Variants in PIAS1 observed in about 807,000 individuals in gnomAD.
The protein encoded by PIAS1 is protein inhibitor of activated STAT 1.
Under a neutral mutation model 71.3 loss-of-function variants are expected in PIAS1, and 6 were observed. The observed-to-expected ratio is 0.08, with a 90% CI of 0.05 to 0.17. The LOEUF (loss-of-function observed/expected upper bound fraction) is 0.17. PIAS1 is among the 10% of genes least tolerant of loss of function. The pLI, the probability that PIAS1 is intolerant of heterozygous loss-of-function variation, is 1.00. For synonymous variants in PIAS1, 303 were observed against 292.9 expected (o/e 1.03, Z -0.35); for missense variants, 555 against 793.6 (o/e 0.70, Z 3.61).
At chr15:68,065,540 G>C (rs1313051095) in intron 1 of PIAS1, among the ~76,000 whole-genome samples, 2 of 148,812 alleles carry the variant, frequency 1.3e-5, no homozygotes, top group African/African-American at 5.0e-5. Flanking sequence ...GCAGTGAACT[G>C]AGATCCACTG....
At chr15:68,145,094 TAA>T (rs1025135743) in intron 4 of PIAS1, among the ~76,000 whole-genome samples, 6 of 152,274 alleles carry the variant, frequency 3.9e-5, no homozygotes, top group South Asian at 2.1e-4. Flanking sequence ...AAAATAGTAA[TAA>T]GAGTGAATAG....
At chr15:68,152,411 A>G (rs2092854298) in intron 6 of PIAS1, among the ~76,000 whole-genome samples, 1 of 152,146 alleles carries the variant, frequency 6.6e-6, no homozygotes, top group Non-Finnish European at 1.5e-5. Flanking sequence ...TCCAGAGAGT[A>G]TTGTAGTATA....
rs1041571090 is a variant in PIAS1, at chr15:68,140,146, T to C, written c.470-1800T>C. On this transcript the variant is annotated intron_variant, in intron 2 of 13. Transcript: ENST00000249636. ...GGCTATTATTAAGTAAGAAACCTGA[T>C]TTTTATTTGTGACATAAGAAATAGC... Among the ~76,000 whole-genome samples, 5 of 152,240 alleles carry C rather than the reference T, an allele frequency of 3.3e-5. No individual in the cohort carries two copies. The East Asian group carries it at 9.6e-4, about 29-fold the overall frequency.
At position 68,176,490 on chromosome 15, in the gene PIAS1, A is replaced by G; in HGVS notation, c.1317A>G (p.Thr439=). The change falls in exon 11 of 14, where the codon ACA becomes ACG. Residue 439 remains threonine (T), a synonymous_variant. Coordinates refer to ENST00000249636, the MANE Select transcript of PIAS1 (RefSeq NM_016166.3). The part of the protein sequence containing the change: ...YNGVDGCLSS[T]LEHQVASHHQ... The stretch of plus-strand genomic sequence containing the variant: ...CCCATATAGGATGCTTGAGCTCCAC[A>G]TTGGAGCATCAGGTAGCGTCTCACC... 2 of 1,603,174 alleles carry G rather than the reference A, an allele frequency of 1.2e-6. No homozygotes were observed. Among genetic ancestry groups the G allele is most frequent in the Non-Finnish European group, 1.7e-6 (2 of 1,175,800 alleles).
rs2091871339 is a variant in PIAS1, at chr15:68,054,397, G to A, written c.24+47G>A. 6.5e-7 allele frequency: 1 copy of A among 1,547,184 alleles called. No individual in the cohort carries two copies. Among genetic ancestry groups the A allele is most frequent in the Non-Finnish European group, 8.7e-7 (1 of 1,143,526 alleles). Reference sequence around the variant, plus strand: ...CTTCTAATATTCGGCCGCGGAGACGGCGCCGCTGCTGCCAGGGGGGATGGG... The same window carrying A: ...CTTCTAATATTCGGCCGCGGAGACGACGCCGCTGCTGCCAGGGGGGATGGG... On this transcript the variant is annotated intron_variant, in intron 1 of 13. Transcript: ENST00000249636. This position sits in a 1 kb window ranked among gnomAD's most constrained non-coding sequence, Gnocchi z 4.6.
At position 68,171,023 on chromosome 15, in the gene PIAS1, G is replaced by A. The variant is rs2092988112; in HGVS notation, c.1009-2709G>A. Among the ~76,000 whole-genome samples, 2 of 150,728 alleles carry A rather than the reference G, an allele frequency of 1.3e-5. No individual in the cohort carries two copies. The highest frequency in any genetic ancestry group is 2.1e-4 in the South Asian group (1 of 4,772). On this transcript the variant is annotated intron_variant, in intron 8 of 13. Transcript: ENST00000249636. This position sits in a 1 kb window ranked among gnomAD's most constrained non-coding sequence, Gnocchi z 4.4. ...TAACAACACTTAGCTTAAAACACAA[G>A]CACATTGTACAGCTGTACAAAAATA...
chr15:68,055,967 T>A (rs2091891745), intron 1 of PIAS1: 5 of 697,228 alleles, frequency 7.2e-6, no homozygotes, highest in South Asian at 6.0e-5. Context: ...ACAAATTTAC[T>A]GAAGGGAGAG....
At chr15:68,166,815 T>C (rs896840715) in intron 8 of PIAS1, among the ~76,000 whole-genome samples, 1 of 152,256 alleles carries the variant, frequency 6.6e-6, no homozygotes, top group African/African-American at 2.4e-5. Context: ...CACATTTTGC[T>C]CTTTGCACCT....
intron 1 of PIAS1, among the ~76,000 whole-genome samples, chr15:68,076,085 C>T (rs2092160562): frequency 2.0e-5 from 3 of 152,096 alleles, no homozygotes. Context: ...CTCCTGGCCA[C>T]CTAGGGCTTT....
chr15:68,102,365 C>G (rs145588611), intron 2 of PIAS1, among the ~76,000 whole-genome samples: 1 of 152,300 alleles, frequency 6.6e-6, no homozygotes, highest in East Asian at 1.9e-4. Flanking sequence ...CTATGTCAGA[C>G]TATGTAATAA....
chr15:68,083,559 A>G (rs908555407), intron 1 of PIAS1, among the ~76,000 whole-genome samples: 11 of 152,158 alleles, frequency 7.2e-5, no homozygotes, highest in African/African-American at 2.4e-4. Context: ...TAATCTTCAA[A>G]TAGGTTTTTC....
chr15:68,096,856 G>A lies in PIAS1; in HGVS notation c.469+10106G>A, dbSNP rs565381071. 9.2e-5 allele frequency among the ~76,000 whole-genome samples: 14 copies of A among 152,194 alleles called. No individual in the cohort carries two copies. In the East Asian group the frequency reaches 2.5e-3, roughly 27 times the overall value. On this transcript the variant is annotated intron_variant, in intron 2 of 13. Coordinates refer to ENST00000249636, the MANE Select transcript of PIAS1 (RefSeq NM_016166.3). Reference sequence around the variant, plus strand: ...GTTTTCTACATACGTCATGTCATCTGTGAACAGAGATTAATTTTACTTCTT... The same window carrying A: ...GTTTTCTACATACGTCATGTCATCTATGAACAGAGATTAATTTTACTTCTT...
At chr15:68,151,679 AC>A (rs1290056725) in intron 6 of PIAS1, among the ~76,000 whole-genome samples, 6 of 15,792 alleles carry the variant, frequency 3.8e-4, no homozygotes, top group Admixed American at 1.0e-3. Context: ...AAACAAAAAA[AC>A]AAAACACACA....
At chr15:68,067,317 T>C (rs907796146) in intron 1 of PIAS1, among the ~76,000 whole-genome samples, 1 of 152,210 alleles carries the variant, frequency 6.6e-6, no homozygotes. Flanking sequence ...TGCTTGCCTT[T>C]CTTTAGTATT....
At chr15:68,089,309 G>A (rs1335740199) in intron 2 of PIAS1, among the ~76,000 whole-genome samples, 1 of 151,940 alleles carries the variant, frequency 6.6e-6, no homozygotes, top group Non-Finnish European at 1.5e-5. Context: ...TCTTTTCATT[G>A]TCCATAATTA....
In PIAS1 at chr15:68,136,020, T is replaced by C. The variant is rs1208508134; in HGVS notation, c.470-5926T>C. Among the ~76,000 whole-genome samples, 5 of 37,322 alleles carry C rather than the reference T, an allele frequency of 1.3e-4. 2 individuals carry two copies. Among genetic ancestry groups the C allele is most frequent in the Non-Finnish European group, 2.0e-4 (2 of 10,184 alleles). The allele number at this position is 37,322 out of a possible 152,430, so 24.5% of individuals were successfully genotyped here. A position where few individuals can be genotyped will look rare whatever the true frequency, so the allele number is the denominator to read the frequency against. Reference sequence around the variant, plus strand: ...AGATGGGATGGTGGCCGGGAAGAGGTGCTCCTCACTTCCTAGATGGGATGG... The same window carrying C: ...AGATGGGATGGTGGCCGGGAAGAGGCGCTCCTCACTTCCTAGATGGGATGG... On this transcript the variant is annotated intron_variant, in intron 2 of 13. Coordinates refer to ENST00000249636, the MANE Select transcript of PIAS1 (RefSeq NM_016166.3).
At chr15:68,127,978 T>C (rs954718741) in intron 2 of PIAS1, among the ~76,000 whole-genome samples, 1 of 152,148 alleles carries the variant, frequency 6.6e-6, no homozygotes, top group African/African-American at 2.4e-5. Flanking sequence ...TCAGCCAGGC[T>C]GGTTTCGAAC....
intron 2 of PIAS1, among the ~76,000 whole-genome samples, chr15:68,094,720 A>G (rs2092359652): frequency 6.6e-6 from 1 of 152,160 alleles, no homozygotes; most frequent in South Asian, 2.1e-4. Flanking sequence ...ATTCTACTCT[A>G]CTTTTAGATA....
At chr15:68,169,478 G>A (rs916940789) in intron 8 of PIAS1, among the ~76,000 whole-genome samples, 3 of 152,148 alleles carry the variant, frequency 2.0e-5, no homozygotes, top group Non-Finnish European at 2.9e-5. Flanking sequence ...GTTTGAGACC[G>A]GTGTGGCCAA....
Sources: gnomAD v4.1 joint callset for allele counts (sites outside exome capture counted in the v4.1 genomes callset) on GRCh38, gnomAD v4.1.1 for gene constraint, Gnocchi (gnomAD v3.1) non-coding constraint, MANE v1.5 for transcripts, NCBI Gene and HGNC (gene_info 2026-07-23, HGNC 2026-07-21) for gene names.